Variants in MEIS1 observed in about 807,000 individuals in gnomAD.
MEIS1 encodes homeobox protein Meis1.
In MEIS1, 5 loss-of-function variants were observed where a neutral mutation model predicts 50.8. The observed-to-expected ratio is 0.10, with a 90% CI of 0.05 to 0.21. The LOEUF is 0.21. MEIS1 is among the 10% of genes least tolerant of loss of function. MEIS1 has a pLI of 1.00. For missense variants in MEIS1, 318 were observed against 517.3 expected (o/e 0.61, Z 3.74); for synonymous variants, 176 against 179.3 (o/e 0.98, Z 0.15).
chr2:66,535,397 A>G (rs1336667026), intron 8 of MEIS1, among the ~76,000 whole-genome samples: 2 of 152,228 alleles, frequency 1.3e-5, no homozygotes, highest in African/African-American at 4.8e-5. Flanking sequence ...AGCCCAAACT[A>G]TTCTTCAAGT....
chr2:66,459,477 T>C (rs1207226573), intron 6 of MEIS1, among the ~76,000 whole-genome samples: 1 of 152,172 alleles, frequency 6.6e-6, no homozygotes, highest in East Asian at 1.9e-4. Flanking sequence ...GGCACTGTGA[T>C]TGATAGTCAG....
chr2:66,464,969 A>T (rs935058266), intron 7 of MEIS1, among the ~76,000 whole-genome samples: 1 of 152,232 alleles, frequency 6.6e-6, no homozygotes, highest in African/African-American at 2.4e-5. Context: ...TTTGTGTTCC[A>T]TTAATGCAAT....
At chr2:66,451,467 C>T (rs989223719) in intron 6 of MEIS1, among the ~76,000 whole-genome samples, 1 of 152,018 alleles carries the variant, frequency 6.6e-6, no homozygotes, top group Non-Finnish European at 1.5e-5. Context: ...TCCAGAGTTT[C>T]CTTATCCCAT....
At chr2:66,532,419 A>T (rs114176949) in intron 8 of MEIS1, among the ~76,000 whole-genome samples, 1 of 152,076 alleles carries the variant, frequency 6.6e-6, no homozygotes, top group African/African-American at 2.4e-5. Flanking sequence ...AAAAAAAAAC[A>T]CAAAAGCATG....
chr2:66,496,974 A>G (rs563449082), intron 7 of MEIS1, among the ~76,000 whole-genome samples: 1 of 152,228 alleles, frequency 6.6e-6, no homozygotes, highest in Admixed American at 6.5e-5. Context: ...ACTTTGACTA[A>G]GATACACTCA....
intron 5 of MEIS1, chr2:66,442,689 C>T (rs1363066870): frequency 2.0e-6 from 1 of 499,478 alleles, no homozygotes; most frequent in East Asian, 3.6e-5. Context: ...TGTGAATCAT[C>T]TTGTCACTGT....
chr2:66,526,375 G>A (rs941745513), intron 8 of MEIS1, among the ~76,000 whole-genome samples: 5 of 152,230 alleles, frequency 3.3e-5, no homozygotes, highest in African/African-American at 1.2e-4. Flanking sequence ...AGATGTCATT[G>A]TGCAAGTCAC....
chr2:66,455,171 T>C (rs1273881608), intron 6 of MEIS1, among the ~76,000 whole-genome samples: 1 of 152,206 alleles, frequency 6.6e-6, no homozygotes, highest in African/African-American at 2.4e-5. Context: ...TCTCTCTTCT[T>C]AAGATTTTTC....
At chr2:66,568,509 C>CTGGG in intron 10 of MEIS1, 158 bp from the exon 11 acceptor site, 3 of 546,544 alleles carry the variant, frequency 5.5e-6, no homozygotes, top group South Asian at 4.0e-5. Flanking sequence ...GTGTGTAGAT[C>CTGGG]TAGTCTGAGA....
At chr2:66,483,281 C>T (rs1017258607) in intron 7 of MEIS1, among the ~76,000 whole-genome samples, 1 of 150,254 alleles carries the variant, frequency 6.7e-6, no homozygotes, top group Non-Finnish European at 1.5e-5. Flanking sequence ...CTATATTGCC[C>T]AGGCAGGTCT....
intron 7 of MEIS1, among the ~76,000 whole-genome samples, chr2:66,485,412 T>C (rs1226471827): frequency 6.6e-6 from 1 of 152,250 alleles, no homozygotes; most frequent in Non-Finnish European, 1.5e-5. Flanking sequence ...GCTTCATCCA[T>C]GTCCCTGCGA....
Position 66,464,171 on chromosome 2 carries a change from T to A in MEIS1, c.693T>A (p.Pro231=). 6.2e-7 allele frequency: 1 copy of A among 1,606,262 alleles called. No individual in the cohort carries two copies. The highest frequency in any genetic ancestry group is 8.5e-7 in the Non-Finnish European group (1 of 1,176,592). Residue 231 remains proline (P), a synonymous_variant, in exon 7 of 13, where the codon CCT becomes CCA. Coordinates refer to ENST00000272369, the MANE Select transcript of MEIS1 (RefSeq NM_002398.3). ...CTCGTTCAGGAGGAACCCCAGGCCC[T>A]TCCAGCGGTGGCCACACGTCACACA... The part of the protein sequence containing the change: ...ASTRSGGTPG[P]SSGGHTSHSG...
chr2:66,437,060 A>T (rs1240345940), intron 1 of MEIS1: 4 of 625,168 alleles, frequency 6.4e-6, no homozygotes, highest in Non-Finnish European at 8.0e-6. Context: ...GGGGGTGGGG[A>T]ATTGCCCAAT....
At position 66,568,455 on chromosome 2, in the gene MEIS1, T is replaced by C; in HGVS notation, c.1025-212T>C. The C allele has an allele frequency of 6.5e-6, 3 of 462,272 alleles. No individual in the cohort carries two copies. The South Asian group carries it at 6.7e-5, about 10-fold the overall frequency. The allele number at this position is 462,272 out of a possible 1,614,324, so 28.6% of individuals were successfully genotyped here. ...AAGCAGAAAGTTTCCACACCTTAAC[T>C]GTTCCCTCTTTGAGCTAGATGTTTT... On this transcript the variant is annotated intron_variant, in intron 10 of 12. Coordinates refer to ENST00000272369, the MANE Select transcript of MEIS1 (RefSeq NM_002398.3).
chr2:66,474,987 T>C (rs1329285938), intron 7 of MEIS1, among the ~76,000 whole-genome samples: 6 of 151,898 alleles, frequency 4.0e-5, no homozygotes, highest in Non-Finnish European at 5.9e-5. Flanking sequence ...TGTTGCTAGG[T>C]TATTAGCATT....
chr2:66,473,378 C>CAAAAAAAAAAAAAAAAAAA (rs71409174), intron 7 of MEIS1, among the ~76,000 whole-genome samples: 1 of 53,962 alleles, frequency 1.9e-5, no homozygotes, highest in Non-Finnish European at 3.0e-5. Flanking sequence ...GACTCCATGT[C>CAAAAAAAAAAAAAAAAAAA]AAAAAAAAAA....
At chr2:66,453,113 A>G (rs1394723470) in intron 6 of MEIS1, among the ~76,000 whole-genome samples, 1 of 151,940 alleles carries the variant, frequency 6.6e-6, no homozygotes, top group Non-Finnish European at 1.5e-5. Context: ...TACTGTTGCG[A>G]CATTCTAAAG....
At chr2:66,522,486 A>G (rs1299071060) in intron 8 of MEIS1, among the ~76,000 whole-genome samples, 1 of 152,208 alleles carries the variant, frequency 6.6e-6, no homozygotes, top group Admixed American at 6.5e-5. Flanking sequence ...GTATTTGATG[A>G]AATGGTAAAT....
At chr2:66,440,639 C>G (rs1671947454) in intron 4 of MEIS1, 27 bp downstream of exon 4, 1 of 1,216,064 alleles carries the variant, frequency 8.2e-7, no homozygotes, top group Admixed American at 2.1e-5. Context: ...ATTTCCCTCC[C>G]CCGCCCCCGA....
Sources: gnomAD v4.1 joint callset for allele counts (sites outside exome capture counted in the v4.1 genomes callset) on GRCh38, gnomAD v4.1.1 for gene constraint, MANE v1.5 for transcripts, NCBI Gene and HGNC (gene_info 2026-07-23, HGNC 2026-07-21) for gene names.